Variants in AK9 observed in about 807,000 individuals in gnomAD.
The protein encoded by AK9 is adenylate kinase domain containing 1.
Under a neutral mutation model 239.6 loss-of-function variants are expected in AK9, and 191 were observed. The ratio of observed to expected loss-of-function variants is 0.80; its 90% CI spans 0.71 to 0.90. The LOEUF (loss-of-function observed/expected upper bound fraction) is 0.90, where lower values mean the gene tolerates loss of function less well. Among genes scored for constraint, AK9 ranks in the 40% least tolerant of loss-of-function variants. The probability of loss-of-function intolerance (pLI) is 0.00; values close to 1 mark genes in which losing one functional copy is unlikely to be tolerated. For synonymous variants in AK9, 689 were observed against 721.0 expected (o/e 0.96, Z 0.71); for missense variants, 1,995 against 2,214.7 (o/e 0.90, Z 1.99).
chr6:109,505,285 G>A (rs75709249), intron 35 of AK9, among the ~76,000 whole-genome samples: 1 of 152,256 alleles, frequency 6.6e-6, no homozygotes, highest in African/African-American at 2.4e-5. Context: ...CATACCTTCT[G>A]TGTAGTTTCT....
chr6:109,518,036 G>A (rs2128118707), intron 29 of AK9, among the ~76,000 whole-genome samples: 1 of 152,212 alleles, frequency 6.6e-6, no homozygotes, highest in South Asian at 2.1e-4. Context: ...TCCCTCCCTT[G>A]TGGCCCCTCT....
chr6:109,580,132 T>G (rs1044472777), intron 19 of AK9, among the ~76,000 whole-genome samples: 1 of 152,190 alleles, frequency 6.6e-6, no homozygotes, highest in Non-Finnish European at 1.5e-5. Flanking sequence ...TGCATTAAAA[T>G]TTTTTCTATA....
chr6:109,659,275 C>T lies in AK9; in HGVS notation c.583G>A (p.Gly195Arg), dbSNP rs369829767. The change falls in exon 7 of 41, where the codon GGA becomes AGA. Residue 195 changes from glycine (G) to arginine (R), a missense_variant. Coordinates refer to ENST00000424296, the MANE Select transcript of AK9 (RefSeq NM_001145128.3). ...TCCTCTTCTTCCTCTTCTCCTTTTC[C>T]GTCCTTTTGGGCTTCTTTCTTCTTT... ...RKKKKEAQKDGKGEEEEEEEE... is the reference protein window; with the variant it reads ...RKKKKEAQKDRKGEEEEEEEE... 54 of 1,601,632 alleles carry T rather than the reference C, an allele frequency of 3.4e-5. No homozygotes were observed. Among genetic ancestry groups the T allele is most frequent in the Middle Eastern group, 3.3e-4 (2 of 6,036 alleles).
At chr6:109,650,261 T>C (rs1052986090) in intron 8 of AK9, among the ~76,000 whole-genome samples, 5 of 151,680 alleles carry the variant, frequency 3.3e-5, no homozygotes, top group Non-Finnish European at 2.9e-5. Flanking sequence ...AAAGAGCTTC[T>C]GCACAGCAAA....
At chr6:109,636,780 A>ACACACACACACACACC (rs1257099610) in intron 10 of AK9, among the ~76,000 whole-genome samples, 1 of 151,218 alleles carries the variant, frequency 6.6e-6, no homozygotes, top group South Asian at 2.1e-4. Flanking sequence ...ACACACACAC[A>ACACACACACACACACC]CACCACATTT....
At chr6:109,506,277 T>A in intron 35 of AK9, 50 bp downstream of exon 35, 2 of 1,554,042 alleles carry the variant, frequency 1.3e-6, no homozygotes, top group Non-Finnish European at 1.8e-6. Context: ...GTCAGGCATG[T>A]TTACACTTGA....
chr6:109,611,546 A>G (rs1326543969), intron 16 of AK9, among the ~76,000 whole-genome samples: 1 of 151,766 alleles, frequency 6.6e-6, no homozygotes, highest in African/African-American at 2.4e-5. Context: ...AGAGGCAAGC[A>G]GAGTTTGTGT....
chr6:109,535,866 C>T (rs1249929368), intron 27 of AK9, among the ~76,000 whole-genome samples: 3 of 152,160 alleles, frequency 2.0e-5, no homozygotes, highest in African/African-American at 7.2e-5. Flanking sequence ...ATAGGGAATC[C>T]TTTCCCCATT....
intron 29 of AK9, among the ~76,000 whole-genome samples, chr6:109,527,019 G>A (rs1221126326): frequency 6.6e-6 from 1 of 152,094 alleles, no homozygotes; most frequent in Non-Finnish European, 1.5e-5. Flanking sequence ...GTCTGACACT[G>A]TGCTCACTTG....
In AK9 at chr6:109,506,711, CTCA is replaced by C. The variant is rs1562325628; in HGVS notation, c.4568_4570del (p.Leu1523_Ser1524delinsCys). 3.9e-6 allele frequency: 6 copies of C among 1,539,142 alleles called. No homozygotes were observed. Among genetic ancestry groups the C allele is most frequent in the Non-Finnish European group, 5.3e-6 (6 of 1,137,862 alleles). On this transcript the variant is annotated inframe_deletion, in exon 34 of 41. Coordinates refer to ENST00000424296, the MANE Select transcript of AK9 (RefSeq NM_001145128.3). ...TTTGAAAATCTCCTTGGAAGGCACA[CTCA>C]ATTCAAAGATGACCATGGGAATGAT...
chr6:109,540,226 C>A (rs1038289381), intron 27 of AK9, among the ~76,000 whole-genome samples: 5 of 152,212 alleles, frequency 3.3e-5, no homozygotes, highest in Non-Finnish European at 7.3e-5. Context: ...GCAGTCAGGC[C>A]TCCTTGAGCT....
chr6:109,502,954 G>GGTGTGT, intron 35 of AK9, among the ~76,000 whole-genome samples: 1 of 121,858 alleles, frequency 8.2e-6, no homozygotes, highest in East Asian at 2.9e-4. Flanking sequence ...CCACAGGAAC[G>GGTGTGT]GTATGTGTGT....
intron 35 of AK9, among the ~76,000 whole-genome samples, chr6:109,502,529 T>TC (rs1043186317): frequency 4.6e-5 from 7 of 152,222 alleles, no homozygotes; most frequent in Admixed American, 1.3e-4. Flanking sequence ...GATGGCCCTG[T>TC]CAACACCTTG....
At chr6:109,507,162 A>G (rs1778195474) in intron 33 of AK9, among the ~76,000 whole-genome samples, 4 of 152,256 alleles carry the variant, frequency 2.6e-5, no homozygotes, top group South Asian at 4.1e-4. Context: ...GAAAGAGTAT[A>G]GCTTTAGAGG....
intron 17 of AK9, among the ~76,000 whole-genome samples, chr6:109,608,260 C>T (rs1055998464): frequency 6.5e-5 from 9 of 139,004 alleles, no homozygotes; most frequent in African/African-American, 2.2e-4. Flanking sequence ...GCCTGGGTGA[C>T]AGAGCGAGAC....
intron 8 of AK9, among the ~76,000 whole-genome samples, chr6:109,649,438 T>C (rs1798583486): frequency 6.6e-6 from 1 of 152,048 alleles, no homozygotes; most frequent in Non-Finnish European, 1.5e-5. Flanking sequence ...AGCATTCTTA[T>C]ACACCAATAA....
Position 109,644,671 on chromosome 6 carries a change from G to A in AK9, c.777C>T (p.His259=). 1.2e-6 allele frequency: 2 copies of A among 1,612,448 alleles called. No homozygotes were observed. The highest frequency in any genetic ancestry group is 1.7e-6 in the Non-Finnish European group (2 of 1,179,718). ...TTAGCTCAATGAGATACTGGGGATT[G>A]TGTTCAGCCATTACTTCCTGCAGAT... The part of the protein sequence containing the change: ...LQTLEEVMAE[H]NPQYLIELNG... Residue 259 remains histidine, a synonymous_variant, in exon 9 of 41, where the codon CAC becomes CAT. Coordinates refer to ENST00000424296, the MANE Select transcript of AK9 (RefSeq NM_001145128.3).
At chr6:109,619,871 A>G (rs933406837) in intron 12 of AK9, among the ~76,000 whole-genome samples, 6 of 152,068 alleles carry the variant, frequency 3.9e-5, no homozygotes, top group Non-Finnish European at 8.8e-5. Flanking sequence ...TGTAGCTATA[A>G]ATTAGTTTAG....
At chr6:109,556,837 C>T (rs1347562129) in intron 24 of AK9, among the ~76,000 whole-genome samples, 1 of 151,930 alleles carries the variant, frequency 6.6e-6, no homozygotes, top group Non-Finnish European at 1.5e-5. Flanking sequence ...AGTTCTCATG[C>T]TGTGTTTTTC....
Sources: allele counts gnomAD v4.1 joint callset (sites outside exome capture counted in the v4.1 genomes callset), GRCh38; gene constraint gnomAD v4.1.1; transcripts MANE v1.5; gene names NCBI Gene and HGNC (gene_info 2026-07-23, HGNC 2026-07-21).